GPM6A: variants seen among roughly 807,000 people sequenced by gnomAD.
GPM6A encodes the protein glycoprotein M6A, also known as neuronal membrane glycoprotein M6-a.
In GPM6A, 7 loss-of-function variants were observed where a neutral mutation model predicts 32.1. The ratio of observed to expected loss-of-function variants is 0.22; its 90% CI spans 0.12 to 0.41. The LOEUF (loss-of-function observed/expected upper bound fraction) is 0.41, where lower values mean the gene tolerates loss of function less well. Among genes scored for constraint, GPM6A ranks in the 10% least tolerant of loss-of-function variants. GPM6A has a pLI of 1.00. For synonymous variants in GPM6A, 130 were observed against 123.4 expected, an observed-to-expected ratio of 1.05 and a Z score of -0.35; for missense variants, 235 against 347.2, an observed-to-expected ratio of 0.68 and a Z score of 2.57.
intron 1 of GPM6A, among the ~76,000 whole-genome samples, chr4:175,896,874 A>G (rs78550487): frequency 0.035 from 5,320 of 152,226 alleles, 287 homozygotes; most frequent in African/African-American, 0.11. Flanking sequence ...GTTTGTTTCA[A>G]ATCACCCAGA....
At chr4:175,788,681 T>TATA (rs750363155) in intron 1 of GPM6A, among the ~76,000 whole-genome samples, 65 of 152,196 alleles carry the variant, frequency 4.3e-4, no homozygotes, top group Non-Finnish European at 7.1e-4. Context: ...ATCATGCATC[T>TATA]ATAGTGTTAC....
chr4:175,933,817 T>C (rs1188188938), intron 1 of GPM6A, among the ~76,000 whole-genome samples: 1 of 152,188 alleles, frequency 6.6e-6, no homozygotes, highest in Non-Finnish European at 1.5e-5. Context: ...GTGCTGGGAT[T>C]ACAGGCGTGA....
intron 1 of GPM6A, among the ~76,000 whole-genome samples, chr4:175,715,209 CATTT>C (rs1745777600): frequency 6.6e-6 from 1 of 152,160 alleles, no homozygotes; most frequent in Non-Finnish European, 1.5e-5. Flanking sequence ...CTCATTCATT[CATTT>C]CTTTCATGTG....
At chr4:175,706,616 G>C (rs916736413) in intron 1 of GPM6A, among the ~76,000 whole-genome samples, 1 of 152,108 alleles carries the variant, frequency 6.6e-6, no homozygotes, top group African/African-American at 2.4e-5. Context: ...GTCCAGAGAG[G>C]TATAGGTCTG....
At chr4:176,002,387 A>T (rs1198097592), upstream of GPM6A, 4 of 1,552,888 alleles carry the variant, frequency 2.6e-6, no homozygotes, top group Admixed American at 5.8e-5. Context: ...CAAGTTCTCC[A>T]AGCCGCGCTG....
At chr4:175,970,626 T>C (rs944745637) in intron 1 of GPM6A, among the ~76,000 whole-genome samples, 2 of 152,060 alleles carry the variant, frequency 1.3e-5, no homozygotes, top group African/African-American at 2.4e-5. Flanking sequence ...ATTTAAAGGG[T>C]CATATGCAGG....
rs544989631 is a variant in GPM6A at position 175,969,500 on chromosome 4, G to C, written c.-23+32809C>G. On this transcript the variant is annotated intron_variant, in intron 1 of 7. Transcript: ENST00000280187. ...GAAGCGAGAAGATCATTTGAGGTCAGGAGTTCGAAGCCAGCCTGGCCAACA... is the reference window on the plus strand; with the variant it reads ...GAAGCGAGAAGATCATTTGAGGTCACGAGTTCGAAGCCAGCCTGGCCAACA... 3.9e-5 allele frequency among the ~76,000 whole-genome samples: 6 copies of C among 152,264 alleles called. No individual in the cohort carries two copies. In the South Asian group the frequency reaches 1.2e-3, roughly 32 times the overall value.
intron 1 of GPM6A, among the ~76,000 whole-genome samples, chr4:175,756,507 A>C (rs970408706): frequency 2.6e-5 from 4 of 152,138 alleles, no homozygotes; most frequent in African/African-American, 9.7e-5. Context: ...AATTACTGAC[A>C]GTACTTTGTT....
chr4:175,644,426 A>G (rs377516822), intron 4 of GPM6A, among the ~76,000 whole-genome samples: 2 of 152,000 alleles, frequency 1.3e-5, no homozygotes, highest in South Asian at 4.1e-4. Context: ...TCCTGATGCT[A>G]TATGTATATG....
At chr4:175,981,769 T>G (rs188268927) in intron 1 of GPM6A, among the ~76,000 whole-genome samples, 3 of 152,294 alleles carry the variant, frequency 2.0e-5, no homozygotes, top group African/African-American at 7.2e-5. Context: ...CTGGAACATT[T>G]TAAGTGTATT....
At chr4:175,670,997 G>A (rs1481646128) in intron 3 of GPM6A, among the ~76,000 whole-genome samples, 1 of 151,566 alleles carries the variant, frequency 6.6e-6, no homozygotes, top group East Asian at 1.9e-4. Context: ...CCAAGTAGCT[G>A]GAATTACAGG....
At chr4:175,833,399 T>C (rs945805032) in intron 1 of GPM6A, among the ~76,000 whole-genome samples, 1 of 152,188 alleles carries the variant, frequency 6.6e-6, no homozygotes, top group African/African-American at 2.4e-5. Context: ...GAGACGCAGC[T>C]GAATGCTAGT....
At position 175,739,122 on chromosome 4, in the gene GPM6A, A is replaced by T. The variant is rs74519707; in HGVS notation, c.38-37355T>A. Among the ~76,000 whole-genome samples, 406 of 152,314 alleles carry T rather than the reference A, an allele frequency of 2.7e-3. 4 individuals are homozygous for T. The highest frequency in any genetic ancestry group is 4.4e-3 in the Non-Finnish European group (299 of 68,014). ...TGCCTGACAAGGTGTTGAATAGAAG[A>T]TACTTTATTTTAGTTTTCATCTGAC... On this transcript the variant is annotated intron_variant, in intron 1 of 6. Transcript: ENST00000393658.
At chr4:175,780,447 G>A (rs1733574308) in intron 1 of GPM6A, among the ~76,000 whole-genome samples, 2 of 152,174 alleles carry the variant, frequency 1.3e-5, no homozygotes, top group South Asian at 4.1e-4. Context: ...TGTCTCTTCT[G>A]TTCATCCCAA....
At chr4:175,897,926 T>C (rs1486012480) in intron 1 of GPM6A, among the ~76,000 whole-genome samples, 1 of 152,188 alleles carries the variant, frequency 6.6e-6, no homozygotes, top group East Asian at 1.9e-4. Flanking sequence ...ACATTAATGA[T>C]ACCTGTTATA....
At chr4:175,987,275 G>A (rs1741003477) in intron 1 of GPM6A, among the ~76,000 whole-genome samples, 1 of 152,148 alleles carries the variant, frequency 6.6e-6, no homozygotes, top group Admixed American at 6.5e-5. Flanking sequence ...CCATCTCTAA[G>A]TGTCTTTTGA....
chr4:175,863,767 C>T (rs913325047), intron 1 of GPM6A, among the ~76,000 whole-genome samples: 1 of 152,022 alleles, frequency 6.6e-6, no homozygotes, highest in African/African-American at 2.4e-5. Context: ...TTTGGGATGC[C>T]GAGGTGGGAG....
intron 1 of GPM6A, chr4:175,972,032 T>C (rs1740518772): frequency 1.3e-5 from 2 of 152,078 alleles, no homozygotes; most frequent in African/African-American, 4.8e-5. Flanking sequence ...CAGAAGAGAG[T>C]CACGTGCAGT....
At chr4:175,653,450 G>A (rs1179626274) in intron 3 of GPM6A, among the ~76,000 whole-genome samples, 3 of 152,044 alleles carry the variant, frequency 2.0e-5, no homozygotes, top group Non-Finnish European at 4.4e-5. Context: ...GTCAACATCT[G>A]TCTCAACAAC....
Sources: gnomAD v4.1 joint callset for allele counts (sites outside exome capture counted in the v4.1 genomes callset) on GRCh38, gnomAD v4.1.1 for gene constraint, MANE v1.5 for transcripts, NCBI Gene and HGNC (gene_info 2026-07-23, HGNC 2026-07-21) for gene names.